The following RABGAP1L variants were observed in gnomAD, a reference collection of about 807,000 sequenced individuals.
The protein encoded by RABGAP1L is RAB GTPase activating protein 1 like.
A neutral mutation model predicts 137.7 loss-of-function variants in RABGAP1L; 63 were observed. The ratio of observed to expected loss-of-function variants is 0.46; its 90% CI spans 0.37 to 0.56. The LOEUF (loss-of-function observed/expected upper bound fraction) is 0.56. Among genes scored for constraint, RABGAP1L ranks in the 20% least tolerant of loss-of-function variants. RABGAP1L has a pLI of 0.00. For missense variants in RABGAP1L, 1,095 were observed against 1,244.0 expected (o/e 0.88, Z 1.80); for synonymous variants, 431 against 433.7 (o/e 0.99, Z 0.08).
intron 19 of RABGAP1L, among the ~76,000 whole-genome samples, chr1:174,879,255 C>T (rs982779815): frequency 4.6e-5 from 7 of 152,176 alleles, no homozygotes; most frequent in Admixed American, 2.6e-4. Flanking sequence ...TGCACACCAC[C>T]ATGCCCAGCT....
chr1:174,845,393 A>G (rs1251044654), intron 19 of RABGAP1L, among the ~76,000 whole-genome samples: 2 of 97,938 alleles, frequency 2.0e-5, no homozygotes, highest in African/African-American at 3.5e-5. Flanking sequence ...ATTTTGAAAT[A>G]CATCCCATCA....
intron 1 of RABGAP1L, among the ~76,000 whole-genome samples, chr1:174,177,418 C>T (rs562545262): frequency 8.5e-5 from 13 of 152,170 alleles, no homozygotes; most frequent in Non-Finnish European, 1.8e-4. Context: ...AATTTTCTCC[C>T]GTTCTGTAGG....
chr1:174,943,509 A>G (rs1220464901), intron 19 of RABGAP1L, among the ~76,000 whole-genome samples: 1 of 152,170 alleles, frequency 6.6e-6, no homozygotes, highest in Non-Finnish European at 1.5e-5. Context: ...TTGTAAATAC[A>G]GTATTTATTT....
intron 12 of RABGAP1L, among the ~76,000 whole-genome samples, chr1:174,377,439 G>A (rs1685643610): frequency 6.6e-6 from 1 of 152,112 alleles, no homozygotes; most frequent in South Asian, 2.1e-4. Context: ...CATATTACCT[G>A]ATTTCTAGGT....
intron 13 of RABGAP1L, among the ~76,000 whole-genome samples, chr1:174,398,853 T>C (rs543976844): frequency 6.6e-6 from 1 of 152,316 alleles, no homozygotes; most frequent in African/African-American, 2.4e-5. Context: ...TTGAGATCTA[T>C]TATGGAATGA....
intron 20 of RABGAP1L, chr1:174,958,122 G>A (rs1478777580): frequency 3.3e-6 from 5 of 1,500,714 alleles, no homozygotes; most frequent in Non-Finnish European, 4.4e-6. Flanking sequence ...TCTGTCTGTA[G>A]AAAATGTTAA....
rs1558196539 is a variant in RABGAP1L at position 174,394,152 on chromosome 1, A to G, written c.1710+7A>G. 2 of 1,609,628 alleles carry G rather than the reference A, an allele frequency of 1.2e-6. No individual in the cohort carries two copies. The highest frequency in any genetic ancestry group is 1.1e-5 in the South Asian group (1 of 90,110). On this transcript the variant is annotated splice_region_variant and intron_variant, in intron 13 of 25. Coordinates refer to ENST00000681986, the MANE Select transcript of RABGAP1L (RefSeq NM_001366446.1). ...CCGAATTCTTATCACAAAGGTAGGA[A>G]GAAGTTCTTTTCATATTATTTTCAT...
chr1:174,398,918 T>C (rs1006106551), intron 13 of RABGAP1L, among the ~76,000 whole-genome samples: 1 of 152,342 alleles, frequency 6.6e-6, no homozygotes. Context: ...AAATATTTAC[T>C]AATTGCCACT....
intron 13 of RABGAP1L, among the ~76,000 whole-genome samples, chr1:174,627,804 T>A (rs913497798): frequency 6.6e-6 from 1 of 152,104 alleles, no homozygotes; most frequent in Non-Finnish European, 1.5e-5. Context: ...CTTTCTACTT[T>A]GTGATCTGAG....
intron 15 of RABGAP1L, among the ~76,000 whole-genome samples, chr1:174,685,511 C>T (rs1217950663): frequency 1.3e-5 from 2 of 151,816 alleles, no homozygotes; most frequent in African/African-American, 4.8e-5. Context: ...CCTCAGCCTC[C>T]CAAAGTGCTG....
intron 15 of RABGAP1L, among the ~76,000 whole-genome samples, chr1:174,692,725 A>G (rs1261226827): frequency 1.3e-5 from 2 of 152,138 alleles, no homozygotes; most frequent in African/African-American, 4.8e-5. Flanking sequence ...CACTTTGGTA[A>G]TTGTCAATGT....
intron 13 of RABGAP1L, among the ~76,000 whole-genome samples, chr1:174,511,235 C>T (rs954990107): frequency 6.6e-6 from 1 of 152,130 alleles, no homozygotes; most frequent in South Asian, 2.1e-4. Flanking sequence ...CTATAAGGTA[C>T]ATAAGGCTAC....
At chr1:174,634,966 TG>T (rs1673829223) in intron 13 of RABGAP1L, among the ~76,000 whole-genome samples, 2 of 148,950 alleles carry the variant, frequency 1.3e-5, no homozygotes, top group African/African-American at 5.0e-5. Flanking sequence ...CGCACCAGCA[TG>T]GCACATGTAT....
chr1:174,202,833 G>A (rs1315748656), intron 1 of RABGAP1L, among the ~76,000 whole-genome samples: 6 of 152,118 alleles, frequency 3.9e-5, no homozygotes, highest in Admixed American at 6.5e-5. Context: ...TTTGTATAAG[G>A]TGTAAGGAAG....
intron 13 of RABGAP1L, among the ~76,000 whole-genome samples, chr1:174,414,335 T>C: frequency 6.6e-6 from 1 of 152,148 alleles, no homozygotes; most frequent in East Asian, 1.9e-4. Flanking sequence ...AAAAGTGATA[T>C]TCATTATGTG....
chr1:174,904,794 G>C (rs1658760752), intron 19 of RABGAP1L, among the ~76,000 whole-genome samples: 1 of 151,976 alleles, frequency 6.6e-6, no homozygotes, highest in Non-Finnish European at 1.5e-5. Flanking sequence ...GACTACAGGT[G>C]GGTGCCACCA....
chr1:174,415,076 G>T (rs1650393248), intron 13 of RABGAP1L, among the ~76,000 whole-genome samples: 1 of 151,936 alleles, frequency 6.6e-6, no homozygotes, highest in African/African-American at 2.4e-5. Context: ...AATCTTTTTA[G>T]ACTTTAAAGC....
chr1:174,763,630 G>C (rs1325960637), intron 18 of RABGAP1L, among the ~76,000 whole-genome samples: 2 of 89,296 alleles, frequency 2.2e-5, no homozygotes, highest in African/African-American at 4.3e-5. Flanking sequence ...CAGCCTGGGC[G>C]ACAGAGCGAG....
At chr1:174,441,634 T>G (rs191675073) in intron 13 of RABGAP1L, among the ~76,000 whole-genome samples, 1 of 152,144 alleles carries the variant, frequency 6.6e-6, no homozygotes, top group African/African-American at 2.4e-5. Context: ...CTTGGGAGGC[T>G]GAAGCAGGAG....
Sources: allele counts gnomAD v4.1 joint callset (sites outside exome capture counted in the v4.1 genomes callset), GRCh38; gene constraint gnomAD v4.1.1; transcripts MANE v1.5; gene names NCBI Gene and HGNC (gene_info 2026-07-23, HGNC 2026-07-21).